The following CNTNAP4 variants were observed in gnomAD, a reference collection of about 807,000 sequenced individuals.
CNTNAP4 encodes the protein contactin associated protein family member 4, also known as contactin-associated protein-like 4.
CNTNAP4 carries 98 observed loss-of-function variants against 148.4 expected under a neutral mutation model. That is an observed-to-expected ratio of 0.66 (90% CI 0.56 to 0.78). The LOEUF (loss-of-function observed/expected upper bound fraction) is 0.78. Among genes scored for constraint, CNTNAP4 ranks in the 30% least tolerant of loss-of-function variants. The probability of loss-of-function intolerance (pLI) is 0.00; values close to 1 mark genes in which losing one functional copy is unlikely to be tolerated. For missense variants in CNTNAP4, 1,935 were observed against 1,565.6 expected, an observed-to-expected ratio of 1.24 and a Z score of -3.98; for synonymous variants, 730 against 565.1, an observed-to-expected ratio of 1.29 and a Z score of -4.14.
At chr16:76,475,200 A>G in intron 10 of CNTNAP4, among the ~76,000 whole-genome samples, 1 of 152,194 alleles carries the variant, frequency 6.6e-6, no homozygotes, top group Admixed American at 6.5e-5. Flanking sequence ...AGACTCCAGT[A>G]GCCTCATATT....
At chr16:76,310,246 A>C (rs890944763) in intron 1 of CNTNAP4, among the ~76,000 whole-genome samples, 3 of 152,294 alleles carry the variant, frequency 2.0e-5, no homozygotes, top group Admixed American at 1.3e-4. Context: ...TCCTGAAATG[A>C]ACCTGAAATT....
At chr16:76,420,754 G>C (rs952600707) in intron 3 of CNTNAP4, among the ~76,000 whole-genome samples, 2 of 151,978 alleles carry the variant, frequency 1.3e-5, no homozygotes, top group Non-Finnish European at 2.9e-5. Flanking sequence ...TATCCCTAAA[G>C]AGAAAGCCTC....
intron 23 of CNTNAP4, among the ~76,000 whole-genome samples, chr16:76,554,824 C>T (rs1005044414): frequency 6.6e-6 from 1 of 151,808 alleles, no homozygotes; most frequent in Non-Finnish European, 1.5e-5. Flanking sequence ...CAGTCACAAA[C>T]CCAGCTTGTC....
At chr16:76,470,843 ACT>A (rs1256345585) in intron 10 of CNTNAP4, among the ~76,000 whole-genome samples, 2 of 151,924 alleles carry the variant, frequency 1.3e-5, no homozygotes, top group South Asian at 4.1e-4. Flanking sequence ...ATTCACACAC[ACT>A]CTACACACAT....
intron 1 of CNTNAP4, among the ~76,000 whole-genome samples, chr16:76,298,815 C>G (rs1206227595): frequency 1.3e-5 from 2 of 151,946 alleles, no homozygotes; most frequent in Non-Finnish European, 2.9e-5. Context: ...GGAGTGGAGC[C>G]AAACAATATG....
At chr16:76,498,893 G>T (rs904252654) in intron 15 of CNTNAP4, among the ~76,000 whole-genome samples, 199 bp downstream of exon 15, 4 of 152,102 alleles carry the variant, frequency 2.6e-5, no homozygotes, top group South Asian at 4.1e-4. Flanking sequence ...GGTTTCCAGG[G>T]ACTGGGGACA....
At chr16:76,358,167 C>G (rs965455855) in intron 3 of CNTNAP4, among the ~76,000 whole-genome samples, 1 of 152,044 alleles carries the variant, frequency 6.6e-6, no homozygotes, top group African/African-American at 2.4e-5. Context: ...AACCTGGTCG[C>G]TACTAAAAAT....
Position 76,519,103 on chromosome 16 carries a change from A to T in CNTNAP4, c.2366-2037A>T, listed in dbSNP as rs150970755. ...CACATGCCATTAACATTATTTGATC[A>T]TGGAAATATTGGCCTTTGCTTTCTT... is the stretch of plus-strand genomic sequence containing the variant. On this transcript the variant is annotated intron_variant, in intron 15 of 23. Coordinates refer to ENST00000611870, the MANE Select transcript of CNTNAP4 (RefSeq NM_033401.5). 1.3e-3 allele frequency among the ~76,000 whole-genome samples: 201 copies of T among 152,294 alleles called. No homozygotes were observed. The Middle Eastern group carries it at 0.014, about 10-fold the overall frequency.
At chr16:76,451,008 T>C (rs757652631) in intron 7 of CNTNAP4, among the ~76,000 whole-genome samples, 10 of 152,186 alleles carry the variant, frequency 6.6e-5, no homozygotes, top group Non-Finnish European at 1.3e-4. Flanking sequence ...TGAAGAGAAC[T>C]TTGGCAGTTG....
chr16:76,316,554 A>T (rs756664523), intron 2 of CNTNAP4, 31 bp downstream of exon 2: 1 of 1,391,912 alleles, frequency 7.2e-7, no homozygotes, highest in Middle Eastern at 1.8e-4. Flanking sequence ...TGACTGGCCC[A>T]TAGAAAATCT....
intron 17 of CNTNAP4, among the ~76,000 whole-genome samples, chr16:76,531,881 T>G (rs2084000077): frequency 6.6e-6 from 1 of 152,168 alleles, no homozygotes; most frequent in Non-Finnish European, 1.5e-5. Flanking sequence ...GTTAGGTAAA[T>G]AACGAAAGTA....
chr16:76,330,667 C>T (rs1379451565), intron 2 of CNTNAP4, among the ~76,000 whole-genome samples: 5 of 152,150 alleles, frequency 3.3e-5, no homozygotes, highest in Admixed American at 2.0e-4. Context: ...TTAGCTAGCC[C>T]GTCTTTGCTT....
intron 1 of CNTNAP4, among the ~76,000 whole-genome samples, chr16:76,279,798 A>G (rs968514174): frequency 3.3e-5 from 5 of 152,228 alleles, no homozygotes; most frequent in African/African-American, 1.2e-4. Flanking sequence ...TTGCAGCAGT[A>G]TGTGTAAAAG....
intron 10 of CNTNAP4, among the ~76,000 whole-genome samples, chr16:76,474,612 CGTT>C (rs2081496781): frequency 6.6e-6 from 1 of 151,916 alleles, no homozygotes; most frequent in South Asian, 2.1e-4. Context: ...TTTATTTAGT[CGTT>C]AATCTGTAAT....
At chr16:76,350,111 A>G (rs1015019634) in intron 2 of CNTNAP4, among the ~76,000 whole-genome samples, 1 of 152,106 alleles carries the variant, frequency 6.6e-6, no homozygotes, top group African/African-American at 2.4e-5. Context: ...GGTAATTTAT[A>G]ATTAAATCAC....
chr16:76,313,249 A>G (rs1961337065), intron 1 of CNTNAP4, among the ~76,000 whole-genome samples: 1 of 152,218 alleles, frequency 6.6e-6, no homozygotes, highest in Non-Finnish European at 1.5e-5. Context: ...CCAGAGAGGC[A>G]TTACATCCAA....
At position 76,449,797 on chromosome 16, in the gene CNTNAP4, A is replaced by C. The variant is rs35988001; in HGVS notation, c.1010A>C (p.Tyr337Ser). ...RNFHGCLENL[Y>S]YNGVDIIDLA... ...TTTCATGGATGTTTAGAAAATCTCT[A>C]TTATAATGGAGTGGATATCATTGAT... The change falls in exon 7 of 24, where the codon TAT becomes TCT. Residue 337 changes from tyrosine to serine, a missense_variant. Physicochemically the swap from Tyr to Ser is moderately radical, Grantham distance 144 (BLOSUM62 -2). Transcript: ENST00000611870. The C allele has an allele frequency of 1.2e-6, 2 of 1,602,958 alleles. No homozygotes were observed. Among genetic ancestry groups the C allele is most frequent in the Non-Finnish European group, 1.7e-6 (2 of 1,174,468 alleles).
chr16:76,522,699 T>C (rs1568497326), intron 17 of CNTNAP4, among the ~76,000 whole-genome samples: 1,012 of 19,166 alleles, frequency 0.053, 93 homozygotes, highest in Admixed American at 0.08. Context: ...TTCTTTTCTT[T>C]TCTTTTCTTT....
intron 21 of CNTNAP4, 54 bp from the exon 22 acceptor site, chr16:76,553,229 T>C: frequency 1.9e-6 from 2 of 1,067,666 alleles, no homozygotes; most frequent in Non-Finnish European, 2.8e-6. Context: ...TTCTGCATCA[T>C]CGCCTATTTT....
Sources: allele counts gnomAD v4.1 joint callset (sites outside exome capture counted in the v4.1 genomes callset), GRCh38; gene constraint gnomAD v4.1.1; transcripts MANE v1.5; gene names NCBI Gene and HGNC (gene_info 2026-07-23, HGNC 2026-07-21).